THSD7B: variants seen among roughly 807,000 people sequenced by gnomAD.
THSD7B encodes the protein thrombospondin type 1 domain containing 7B, also known as thrombospondin type-1 domain-containing protein 7B.
A neutral mutation model predicts 213.6 loss-of-function variants in THSD7B; 138 were observed. The ratio of observed to expected loss-of-function variants is 0.65; its 90% CI spans 0.56 to 0.74. The LOEUF (loss-of-function observed/expected upper bound fraction) is 0.74. THSD7B is among the 30% of genes least tolerant of loss of function. THSD7B has a pLI of 0.00. For synonymous variants in THSD7B, 742 were observed against 687.0 expected (o/e 1.08, Z -1.25); for missense variants, 1,931 against 1,991.5 (o/e 0.97, Z 0.58).
At chr2:137,131,634 G>A (rs904510857) in intron 5 of THSD7B, among the ~76,000 whole-genome samples, 15 of 152,146 alleles carry the variant, frequency 9.9e-5, no homozygotes, top group African/African-American at 3.6e-4. Flanking sequence ...TATTAAATAG[G>A]GAATCCTTTC....
In THSD7B at chr2:136,882,281, G is replaced by A; in HGVS notation, c.103G>A (p.Glu35Lys). The A allele has an allele frequency of 3.2e-6, 5 of 1,542,888 alleles. No individual in the cohort carries two copies. The highest frequency in any genetic ancestry group is 4.4e-6 in the Non-Finnish European group (5 of 1,143,862). Residue 35 changes from glutamate to lysine, a missense_variant, in exon 2 of 28, where the codon GAA becomes AAA. Transcript: ENST00000409968. ...SLLLSHAAHL[E>K]GKKDNQFIWK... ...CTTGCTGTCCCATGCAGCTCATTTG[G>A]AAGGCAAAAAGGATAATCAGTTCAT... is the stretch of plus-strand genomic sequence containing the variant.
At chr2:137,622,062 T>C (rs1332854432) in intron 20 of THSD7B, among the ~76,000 whole-genome samples, 1 of 152,102 alleles carries the variant, frequency 6.6e-6, no homozygotes, top group Non-Finnish European at 1.5e-5. Context: ...CATTAATCCA[T>C]TCATGGGGGA....
chr2:136,824,506 CATTTTGTGTGGCTGAGCTTCAGT>C (rs1682611467), intron 1 of THSD7B, among the ~76,000 whole-genome samples: 1 of 152,016 alleles, frequency 6.6e-6, no homozygotes, highest in African/African-American at 2.4e-5. Context: ...GTTGACAAAT[CATTTTGTGTGGCTGAGCTTCAGT>C]ATTTTGAGTG....
At chr2:137,648,687 T>C (rs1683082518) in intron 21 of THSD7B, among the ~76,000 whole-genome samples, 1 of 152,190 alleles carries the variant, frequency 6.6e-6, no homozygotes, top group African/African-American at 2.4e-5. Context: ...GCAATAAACA[T>C]GGCAGTGCAG....
intron 14 of THSD7B, among the ~76,000 whole-genome samples, chr2:137,434,651 T>A (rs940776873): frequency 6.6e-6 from 1 of 152,216 alleles, no homozygotes; most frequent in Non-Finnish European, 1.5e-5. Flanking sequence ...CAGAACAGAT[T>A]TCCCACACTG....
intron 2 of THSD7B, among the ~76,000 whole-genome samples, chr2:137,015,782 T>A (rs149259338): frequency 6.6e-6 from 1 of 152,268 alleles, no homozygotes; most frequent in South Asian, 2.1e-4. Context: ...TGGCTACTTA[T>A]CTGTTTTGTA....
intron 10 of THSD7B, among the ~76,000 whole-genome samples, chr2:137,252,876 G>A (rs556013676): frequency 6.7e-6 from 1 of 149,938 alleles, no homozygotes; most frequent in African/African-American, 2.5e-5. Context: ...TAAACTATTG[G>A]AAGAGACTAG....
intron 25 of THSD7B, 90 bp from the exon 26 acceptor site, chr2:137,663,293 T>C: frequency 1.7e-6 from 2 of 1,171,990 alleles, no homozygotes; most frequent in East Asian, 5.4e-5. Context: ...TGATGTATAG[T>C]GCAAATATTA....
At chr2:137,278,630 G>A (rs1400301443) in intron 12 of THSD7B, among the ~76,000 whole-genome samples, 1 of 152,082 alleles carries the variant, frequency 6.6e-6, no homozygotes, top group African/African-American at 2.4e-5. Flanking sequence ...AAAGGGAGGG[G>A]AAATTCATGG....
intron 1 of THSD7B, among the ~76,000 whole-genome samples, chr2:136,856,171 G>A (rs1683177904): frequency 6.6e-6 from 1 of 152,136 alleles, no homozygotes; most frequent in Non-Finnish European, 1.5e-5. Flanking sequence ...GACAGTCACT[G>A]GCATATGGTA....
At chr2:137,243,269 CA>C (rs1042524945) in intron 10 of THSD7B, among the ~76,000 whole-genome samples, 98 of 152,304 alleles carry the variant, frequency 6.4e-4, no homozygotes, top group African/African-American at 2.2e-3. Context: ...ATCCTCATCC[CA>C]AAACTCCATT....
intron 1 of THSD7B, among the ~76,000 whole-genome samples, chr2:136,864,301 G>GA (rs895320761): frequency 8.6e-5 from 13 of 151,888 alleles, no homozygotes; most frequent in South Asian, 2.1e-4. Flanking sequence ...TTTCTTTTTT[G>GA]AAAAAAATCT....
chr2:137,411,146 T>C (rs10182273), intron 13 of THSD7B, among the ~76,000 whole-genome samples: 43,577 of 152,224 alleles, frequency 0.29, 6,915 homozygotes, highest in African/African-American at 0.42. Flanking sequence ...AGCTGCCTGA[T>C]GGCAGAGACC....
At chr2:137,456,355 C>T (rs891183464) in intron 15 of THSD7B, among the ~76,000 whole-genome samples, 2 of 152,150 alleles carry the variant, frequency 1.3e-5, no homozygotes, top group African/African-American at 4.8e-5. Context: ...TCTGATACTG[C>T]TTTATTAACT....
chr2:136,928,778 T>C (rs955034473), intron 2 of THSD7B, among the ~76,000 whole-genome samples: 1 of 152,174 alleles, frequency 6.6e-6, no homozygotes, highest in African/African-American at 2.4e-5. Context: ...TACAGAGTTT[T>C]AGGAGCTCAT....
intron 14 of THSD7B, among the ~76,000 whole-genome samples, chr2:137,441,092 G>T (rs1327304210): frequency 1.3e-5 from 2 of 152,110 alleles, no homozygotes; most frequent in Non-Finnish European, 1.5e-5. Flanking sequence ...CTAATTATAA[G>T]TAATATCCTA....
In THSD7B at chr2:136,947,130, G is replaced by A. The variant is rs556451152; in HGVS notation, c.139+64813G>A. Among the ~76,000 whole-genome samples, 10 of 152,244 alleles carry A rather than the reference G, an allele frequency of 6.6e-5. No homozygotes were observed. The East Asian group carries it at 1.5e-3, about 24-fold the overall frequency. The stretch of plus-strand genomic sequence containing the variant: ...CGGCCATCTTGGAACAGTGACCCTC[G>A]ACAAAATCTTAATGTGATTGTATGT... On this transcript the variant is annotated intron_variant, in intron 2 of 27. Coordinates refer to ENST00000409968, the MANE Select transcript of THSD7B (RefSeq NM_001316349.2).
At chr2:136,900,900 A>G (rs1321043734) in intron 2 of THSD7B, among the ~76,000 whole-genome samples, 1 of 152,226 alleles carries the variant, frequency 6.6e-6, no homozygotes, top group African/African-American at 2.4e-5. Flanking sequence ...GTAGGTGAGT[A>G]TATGTTTTTA....
At chr2:137,605,334 A>G (rs964659060) in intron 17 of THSD7B, among the ~76,000 whole-genome samples, 5 of 152,184 alleles carry the variant, frequency 3.3e-5, no homozygotes, top group Admixed American at 1.3e-4. Context: ...TTTAACCTCA[A>G]TATGTCTGGA....
Sources: gnomAD v4.1 joint callset for allele counts (sites outside exome capture counted in the v4.1 genomes callset) on GRCh38, gnomAD v4.1.1 for gene constraint, MANE v1.5 for transcripts, NCBI Gene and HGNC (gene_info 2026-07-23, HGNC 2026-07-21) for gene names.